The following TFCP2L1 variants were observed in gnomAD, a reference collection of about 807,000 sequenced individuals.
TFCP2L1 encodes the protein transcription factor CP2-like protein 1.
In TFCP2L1, 12 loss-of-function variants were observed where a neutral mutation model predicts 72.2. The observed-to-expected ratio is 0.17, with a 90% CI of 0.11 to 0.27. TFCP2L1 has a LOEUF of 0.27. TFCP2L1 is among the 10% of genes least tolerant of loss of function. The pLI, the probability that TFCP2L1 is intolerant of heterozygous loss-of-function variation, is 1.00. For missense variants in TFCP2L1, 488 were observed against 624.6 expected (o/e 0.78, Z 2.33); for synonymous variants, 260 against 251.0 (o/e 1.04, Z -0.34).
chr2:121,253,342 G>A (rs540804889), intron 2 of TFCP2L1, among the ~76,000 whole-genome samples: 9 of 152,296 alleles, frequency 5.9e-5, no homozygotes, highest in Middle Eastern at 3.4e-3. Flanking sequence ...GAGATGTGAC[G>A]CCTAAAAAGG....
At chr2:121,236,976 C>G (rs545707942) in intron 10 of TFCP2L1, among the ~76,000 whole-genome samples, 1 of 152,218 alleles carries the variant, frequency 6.6e-6, no homozygotes, top group Non-Finnish European at 1.5e-5. Flanking sequence ...TCAGCAATGC[C>G]GAGCTGAGGA....
At chr2:121,259,083 A>G (rs562104068) in intron 2 of TFCP2L1, among the ~76,000 whole-genome samples, 1 of 152,280 alleles carries the variant, frequency 6.6e-6, no homozygotes, top group South Asian at 2.1e-4. Context: ...CCCTGTCTCT[A>G]GTAAAAATAC....
chr2:121,275,286 C>A (rs2104759886), intron 2 of TFCP2L1, among the ~76,000 whole-genome samples: 1 of 147,354 alleles, frequency 6.8e-6, no homozygotes, highest in East Asian at 2.1e-4. Context: ...GTAGTCCCAG[C>A]TACTTGGGAG....
intron 2 of TFCP2L1, among the ~76,000 whole-genome samples, chr2:121,279,505 A>G (rs990171079): frequency 2.9e-4 from 44 of 152,284 alleles, no homozygotes; most frequent in Admixed American, 1.1e-3. Flanking sequence ...TTGGGGATAA[A>G]GCATCACCTT....
At chr2:121,243,747 A>T (rs1018738557) in intron 6 of TFCP2L1, among the ~76,000 whole-genome samples, 2 of 151,376 alleles carry the variant, frequency 1.3e-5, no homozygotes, top group African/African-American at 4.9e-5. Flanking sequence ...TCTATATGAG[A>T]CCATCTAGTT....
Position 121,239,640 on chromosome 2 carries a change from ATGGAGAGCAC to A in TFCP2L1, c.769-1_777del. On this transcript the variant is annotated splice_acceptor_variant and coding_sequence_variant, in exon 8 of 15. Transcript: ENST00000263707. LOFTEE classifies it high-confidence loss of function. ...TTCACCTGGTAGGCCACGTCGGGCC[ATGGAGAGCAC>A]TGCAGGAGAGAGCACAGGGCGAGCT... 1 of 1,614,146 alleles carries A rather than the reference ATGGAGAGCAC, an allele frequency of 6.2e-7. No homozygotes were observed.
In TFCP2L1 at chr2:121,216,656, G is replaced by C. The variant is rs1573345745; in HGVS notation, c.*7685C>G. 1 of 152,072 alleles carries C rather than the reference G, an allele frequency of 6.6e-6. No homozygotes were observed. Among genetic ancestry groups the C allele is most frequent in the Non-Finnish European group, 1.5e-5 (1 of 68,016 alleles). The allele number at this position is 152,072 out of a possible 1,614,324, so 9.4% of individuals were successfully genotyped here. A position where few individuals can be genotyped will look rare whatever the true frequency, so the allele number is the denominator to read the frequency against. ...GATCCCACATACAGACTTCTCGTCC[G>C]CACTATGGTACAGTAACAAGTGCAA... On this transcript the variant is annotated 3_prime_UTR_variant, in exon 15 of 15. Coordinates refer to ENST00000263707, the MANE Select transcript of TFCP2L1 (RefSeq NM_014553.3).
intron 2 of TFCP2L1, among the ~76,000 whole-genome samples, chr2:121,274,328 C>A (rs1687104529): frequency 6.6e-6 from 1 of 152,072 alleles, no homozygotes; most frequent in African/African-American, 2.4e-5. Flanking sequence ...ATCCCTAATC[C>A]AAAAATCCAA....
chr2:121,231,289 C>T (rs1032051090), intron 13 of TFCP2L1, among the ~76,000 whole-genome samples: 4 of 152,226 alleles, frequency 2.6e-5, no homozygotes, highest in Non-Finnish European at 4.4e-5. Flanking sequence ...TATTCAACAC[C>T]CGCTTCTTAG....
At chr2:121,269,919 AT>A (rs1305165040) in intron 2 of TFCP2L1, among the ~76,000 whole-genome samples, 642 of 25,610 alleles carry the variant, frequency 0.025, 10 homozygotes, top group South Asian at 0.17. Context: ...AAAAAAAAAA[AT>A]ATATATATAT....
chr2:121,233,118 G>A lies in TFCP2L1; in HGVS notation c.1198+973C>T, dbSNP rs541829980. Among the ~76,000 whole-genome samples, 23 of 152,270 alleles carry A rather than the reference G, an allele frequency of 1.5e-4. No homozygotes were observed. In the South Asian group the frequency reaches 4.6e-3, roughly 30 times the overall value. On this transcript the variant is annotated intron_variant, in intron 12 of 14. Transcript: ENST00000263707. The stretch of plus-strand genomic sequence containing the variant: ...GGATTTCTGGAGTCCAGGAGTTTCA[G>A]ACCAGCCTGGGCAACAGAATGAGAC...
intron 2 of TFCP2L1, among the ~76,000 whole-genome samples, chr2:121,263,469 CAAAAAAAA>C (rs10603088): frequency 1.5e-5 from 1 of 67,516 alleles, no homozygotes; most frequent in African/African-American, 5.5e-5. Flanking sequence ...CTGTTTTTGG[CAAAAAAAA>C]AAAAAAAAAA....
chr2:121,270,690 A>C (rs1241834241), intron 2 of TFCP2L1, among the ~76,000 whole-genome samples: 1 of 152,082 alleles, frequency 6.6e-6, no homozygotes, highest in Non-Finnish European at 1.5e-5. Flanking sequence ...AAAGACATTG[A>C]AGATATTTTG....
intron 2 of TFCP2L1, among the ~76,000 whole-genome samples, chr2:121,250,880 C>G (rs530026090): frequency 6.6e-6 from 1 of 151,634 alleles, no homozygotes; most frequent in Non-Finnish European, 1.5e-5. Flanking sequence ...GCTGGGATTA[C>G]AGGCGTGAGC....
At chr2:121,280,750 C>G (rs1465502828) in intron 2 of TFCP2L1, among the ~76,000 whole-genome samples, 3 of 97,104 alleles carry the variant, frequency 3.1e-5, no homozygotes, top group Non-Finnish European at 5.7e-5. Flanking sequence ...GGCAACAGAA[C>G]AAGACCCCCT....
At chr2:121,250,672 T>G (rs1326733038) in intron 2 of TFCP2L1, among the ~76,000 whole-genome samples, 2 of 150,802 alleles carry the variant, frequency 1.3e-5, no homozygotes, top group African/African-American at 4.9e-5. Flanking sequence ...AGTGGCACGA[T>G]CTTGGCTCAC....
intron 10 of TFCP2L1, among the ~76,000 whole-genome samples, chr2:121,235,801 T>A (rs948659861): frequency 3.3e-5 from 5 of 151,918 alleles, no homozygotes; most frequent in Admixed American, 6.6e-5. Context: ...CATCTGTCTG[T>A]ATGTGGAAGT....
At position 121,249,055 on chromosome 2, in the gene TFCP2L1, C is replaced by T; in HGVS notation, c.324G>A (p.Arg108=). The T allele has an allele frequency of 2.5e-6, 4 of 1,600,178 alleles. No homozygotes were observed. In the South Asian group the frequency reaches 4.5e-5, roughly 18 times the overall value. Residue 108 remains arginine (R), a synonymous_variant, in exon 4 of 15, where the codon CGG becomes CGA. Transcript: ENST00000263707. Reference sequence around the variant, plus strand: ...GCTGCTGGTGCTCCGTATACTGCAGCCGGCGGTCATGGAAGACCACACGGA... The same window carrying T: ...GCTGCTGGTGCTCCGTATACTGCAGTCGGCGGTCATGGAAGACCACACGGA... ...SIIRVVFHDR[R]LQYTEHQQLE... is the part of the protein sequence containing the mutation.
In TFCP2L1 at chr2:121,224,374, A is replaced by G. The variant is rs11890430; in HGVS notation, c.1407T>C (p.Asp469=). The stretch of plus-strand genomic sequence containing the variant: ...CACATTTCAGGATGATGTGGTAGCC[A>G]TCATTGCTCTCAGCTGCAAGAGAGA... ...VLSTIKAESN[D]GYHIILKCGL is the part of the protein sequence containing the mutation. The change falls in exon 15 of 15, where the codon GAT becomes GAC. Residue 469 remains aspartate, a synonymous_variant. Coordinates refer to ENST00000263707, the MANE Select transcript of TFCP2L1 (RefSeq NM_014553.3). 0.31 allele frequency: 507,647 copies of G among 1,613,142 alleles called. 82,238 individuals are homozygous for G. Among genetic ancestry groups the G allele is most frequent in the South Asian group, 0.46 (41,456 of 90,976 alleles).
Sources: gnomAD v4.1 joint callset for allele counts (sites outside exome capture counted in the v4.1 genomes callset) on GRCh38, gnomAD v4.1.1 for gene constraint, MANE v1.5 for transcripts, NCBI Gene and HGNC (gene_info 2026-07-23, HGNC 2026-07-21) for gene names.